TTC28: variants seen among roughly 807,000 people sequenced by gnomAD.
TTC28 encodes the protein tetratricopeptide repeat protein 28.
Under a neutral mutation model 198.0 loss-of-function variants are expected in TTC28, and 61 were observed. The observed-to-expected ratio is 0.31, with a 90% CI of 0.25 to 0.38. The LOEUF is 0.38. Ranked by LOEUF, TTC28 falls within the 10% of genes least tolerant of loss-of-function variation. The pLI, the probability that TTC28 is intolerant of heterozygous loss-of-function variation, is 1.00. For synonymous variants in TTC28, 1,171 were observed against 1,297.8 expected, an observed-to-expected ratio of 0.90 and a Z score of 2.10; for missense variants, 2,678 against 3,164.0, an observed-to-expected ratio of 0.85 and a Z score of 3.69.
intron 2 of TTC28, among the ~76,000 whole-genome samples, chr22:28,539,776 G>T (rs2049371409): frequency 6.6e-6 from 1 of 152,032 alleles, no homozygotes; most frequent in Non-Finnish European, 1.5e-5. Context: ...GTCAGACCTT[G>T]CATCAGGACA....
chr22:28,401,205 GGATGAC>G (rs368998194), intron 2 of TTC28, among the ~76,000 whole-genome samples: 17 of 151,922 alleles, frequency 1.1e-4, no homozygotes, highest in East Asian at 1.9e-4. Flanking sequence ...AGGAGGAGGA[GGATGAC>G]GATGACGATG....
intron 2 of TTC28, among the ~76,000 whole-genome samples, chr22:28,411,134 G>A (rs2047074763): frequency 6.6e-6 from 1 of 152,176 alleles, no homozygotes; most frequent in Non-Finnish European, 1.5e-5. Flanking sequence ...CACCTGTTCA[G>A]TAGGTATTAT....
intron 2 of TTC28, among the ~76,000 whole-genome samples, chr22:28,377,229 T>C (rs2146011744): frequency 6.9e-6 from 1 of 144,974 alleles, no homozygotes; most frequent in Middle Eastern, 3.5e-3. Flanking sequence ...ATGTAATACA[T>C]GGGACTAGGA....
intron 2 of TTC28, among the ~76,000 whole-genome samples, chr22:28,363,809 T>A (rs1422740908): frequency 6.6e-6 from 1 of 152,212 alleles, no homozygotes; most frequent in East Asian, 1.9e-4. Flanking sequence ...CAGACTTGTA[T>A]GGGGCCTGTA....
chr22:28,422,157 A>G (rs1235810898), intron 2 of TTC28, among the ~76,000 whole-genome samples: 2 of 152,216 alleles, frequency 1.3e-5, no homozygotes, highest in Non-Finnish European at 1.5e-5. Flanking sequence ...TACTCAACAC[A>G]ATAAAAGCAA....
intron 2 of TTC28, among the ~76,000 whole-genome samples, chr22:28,407,439 G>A (rs2047014679): frequency 6.6e-6 from 1 of 151,438 alleles, no homozygotes; most frequent in East Asian, 1.9e-4. Context: ...TGGAAGAATT[G>A]TTACACATAC....
chr22:28,287,761 G>A (rs781577096), intron 5 of TTC28, among the ~76,000 whole-genome samples: 13 of 152,106 alleles, frequency 8.5e-5, no homozygotes, highest in Non-Finnish European at 1.6e-4. Flanking sequence ...ATTTAAGCAG[G>A]CTTTTTCTGA....
chr22:28,314,484 C>T (rs1311848307), intron 2 of TTC28, among the ~76,000 whole-genome samples: 1 of 152,158 alleles, frequency 6.6e-6, no homozygotes, highest in Admixed American at 6.5e-5. Context: ...CTACAGTAAC[C>T]AAAACAGCAT....
At position 28,270,360 on chromosome 22, in the gene TTC28, G is replaced by A. The variant is rs112012174; in HGVS notation, c.933+25838C>T. On this transcript the variant is annotated intron_variant, in intron 5 of 22. Coordinates refer to ENST00000397906, the MANE Select transcript of TTC28 (RefSeq NM_001145418.2). ...CTAAAAACAAAATAAAGAGAGATAG[G>A]AAAAGTTACAAGCACATAAAATGAT... Among the ~76,000 whole-genome samples the A allele has an allele frequency of 9.2e-3, 1,405 of 152,110 alleles. 34 individuals are homozygous for A. The highest frequency in any genetic ancestry group is 0.084 in the East Asian group (435 of 5,178).
At chr22:28,605,498 G>A (rs1043315538) in intron 2 of TTC28, among the ~76,000 whole-genome samples, 3 of 152,132 alleles carry the variant, frequency 2.0e-5, no homozygotes, top group Admixed American at 2.0e-4. Context: ...TACCCAAGAA[G>A]AGACAGAAAC....
Position 28,030,210 on chromosome 22 carries a change from A to G in TTC28, c.4073+16T>C, listed in dbSNP as rs1348910998. ...CCTGCCCTGCACTGGGCCTGGGGAA[A>G]GCGCCCCACACTCACCTGTTAAACA... On this transcript the variant is annotated intron_variant, in intron 13 of 22. Coordinates refer to ENST00000397906, the MANE Select transcript of TTC28 (RefSeq NM_001145418.2). 2 of 1,551,178 alleles carry G rather than the reference A, an allele frequency of 1.3e-6. No homozygotes were observed. Among genetic ancestry groups the G allele is most frequent in the African/African-American group, 2.7e-5 (2 of 73,060 alleles).
intron 12 of TTC28, among the ~76,000 whole-genome samples, chr22:28,042,722 T>TA (rs56978450): frequency 0.051 from 7,028 of 139,086 alleles, 204 homozygotes; most frequent in African/African-American, 0.081. Flanking sequence ...GAACTTAAAT[T>TA]AAAAAAAAAA....
intron 12 of TTC28, among the ~76,000 whole-genome samples, chr22:28,085,972 A>G (rs552548746): frequency 6.6e-6 from 1 of 152,316 alleles, no homozygotes; most frequent in Non-Finnish European, 1.5e-5. Context: ...CTATCCTAAA[A>G]TATATATGCA....
At chr22:28,248,890 A>T (rs145847267) in intron 5 of TTC28, among the ~76,000 whole-genome samples, 1 of 152,262 alleles carries the variant, frequency 6.6e-6, no homozygotes, top group Non-Finnish European at 1.5e-5. Context: ...CAGGGGGGGA[A>T]ATACAGAACC....
chr22:28,553,754 G>T (rs1463746893), intron 2 of TTC28, among the ~76,000 whole-genome samples: 3 of 150,952 alleles, frequency 2.0e-5, no homozygotes, highest in African/African-American at 7.3e-5. Context: ...GGAGGTGAGG[G>T]GGTCAGCCCC....
intron 1 of TTC28, among the ~76,000 whole-genome samples, chr22:28,653,960 T>C (rs1035657129): frequency 6.6e-6 from 1 of 152,248 alleles, no homozygotes; most frequent in Non-Finnish European, 1.5e-5. Flanking sequence ...ATGTCTTGTA[T>C]GCCTCTGTAA....
At chr22:28,615,605 C>T (rs1031433519) in intron 2 of TTC28, among the ~76,000 whole-genome samples, 1 of 152,100 alleles carries the variant, frequency 6.6e-6, no homozygotes, top group Non-Finnish European at 1.5e-5. Flanking sequence ...CCATGGAATA[C>T]TACACAGCCA....
intron 6 of TTC28, among the ~76,000 whole-genome samples, chr22:28,109,232 T>G (rs1018683307): frequency 2.0e-5 from 3 of 152,224 alleles, no homozygotes; most frequent in Non-Finnish European, 4.4e-5. Context: ...TATAAGTACA[T>G]TTTGGTATAT....
chr22:28,011,720 G>C lies in TTC28; in HGVS notation c.4218+2528C>G, dbSNP rs559269188. ...AGGTATGCAAGGGGCCCAGTGGTGG[G>C]GAGGGGAATGAAGGGATCCAGGAAG... On this transcript the variant is annotated intron_variant, in intron 14 of 22. Transcript: ENST00000397906. Among the ~76,000 whole-genome samples the C allele has an allele frequency of 3.3e-5, 5 of 152,300 alleles. No individual in the cohort carries two copies. The South Asian group carries it at 1.0e-3, about 32-fold the overall frequency.
Sources: allele counts gnomAD v4.1 joint callset (sites outside exome capture counted in the v4.1 genomes callset), GRCh38; gene constraint gnomAD v4.1.1; transcripts MANE v1.5; gene names NCBI Gene and HGNC (gene_info 2026-07-23, HGNC 2026-07-21).